The following MIR2052HG variants were observed in gnomAD, a reference collection of about 807,000 sequenced individuals.
The protein encoded by MIR2052HG is MIR2052 host gene.
At chr8:74,681,424 A>C (rs1222231478) in intron 2 of MIR2052HG, among the ~76,000 whole-genome samples, 2 of 152,188 alleles carry the variant, frequency 1.3e-5, no homozygotes, top group Non-Finnish European at 2.9e-5. Flanking sequence ...TCAGAAAGTA[A>C]GGTATTTTTA....
intron 4 of MIR2052HG, among the ~76,000 whole-genome samples, chr8:74,740,244 A>G (rs553513173): frequency 6.6e-6 from 1 of 152,280 alleles, no homozygotes; most frequent in Admixed American, 6.5e-5. Flanking sequence ...CAGGTGGATC[A>G]TCTGAGGTCA....
At chr8:74,617,514 T>A (rs1808302414) in intron 2 of MIR2052HG, among the ~76,000 whole-genome samples, 1 of 151,872 alleles carries the variant, frequency 6.6e-6, no homozygotes, top group Non-Finnish European at 1.5e-5. Context: ...TATGCACACA[T>A]TTTATATAAA....
intron 2 of MIR2052HG, among the ~76,000 whole-genome samples, chr8:74,644,485 C>T (rs949604402): frequency 1.3e-5 from 2 of 152,118 alleles, no homozygotes; most frequent in African/African-American, 2.4e-5. Context: ...GATGTTCGCA[C>T]AATGACAAAA....
chr8:74,731,514 G>T (rs1809692301), intron 4 of MIR2052HG, among the ~76,000 whole-genome samples: 1 of 152,116 alleles, frequency 6.6e-6, no homozygotes, highest in Admixed American at 6.6e-5. Flanking sequence ...TAACAGTGAA[G>T]GGGGTGCAGA....
intron 1 of MIR2052HG, among the ~76,000 whole-genome samples, chr8:74,606,596 A>C (rs1288924365): frequency 1.3e-5 from 2 of 152,204 alleles, no homozygotes; most frequent in Non-Finnish European, 2.9e-5. Context: ...AAAAATTTAT[A>C]CAATAGTTCT....
At chr8:74,726,532 G>T (rs1263030934) in intron 4 of MIR2052HG, among the ~76,000 whole-genome samples, 1 of 152,166 alleles carries the variant, frequency 6.6e-6, no homozygotes, top group Non-Finnish European at 1.5e-5. Flanking sequence ...CCATCTAATA[G>T]TTTTAATTTA....
chr8:74,630,019 A>C (rs1023670109), intron 2 of MIR2052HG, among the ~76,000 whole-genome samples: 1 of 152,218 alleles, frequency 6.6e-6, no homozygotes, highest in African/African-American at 2.4e-5. Context: ...AGGAGAAAAC[A>C]TAATTACAGG....
At chr8:74,672,261 A>G (rs1473651562) in intron 2 of MIR2052HG, among the ~76,000 whole-genome samples, 1 of 152,140 alleles carries the variant, frequency 6.6e-6, no homozygotes, top group African/African-American at 2.4e-5. Flanking sequence ...TTGCAGGCCT[A>G]GCATCCGTTG....
chr8:74,721,180 G>A (rs1217345128), intron 4 of MIR2052HG, among the ~76,000 whole-genome samples: 1 of 152,158 alleles, frequency 6.6e-6, no homozygotes, highest in African/African-American at 2.4e-5. Flanking sequence ...CCTGACACCT[G>A]TGTTCCAGTG....
intron 4 of MIR2052HG, among the ~76,000 whole-genome samples, chr8:74,716,399 G>C (rs944280863): frequency 2.6e-5 from 4 of 152,112 alleles, no homozygotes; most frequent in African/African-American, 9.7e-5. Context: ...GCCTTTTATA[G>C]AATATTATTC....
chr8:74,630,164 AT>A (rs545361934), intron 2 of MIR2052HG, among the ~76,000 whole-genome samples: 3 of 152,172 alleles, frequency 2.0e-5, no homozygotes, highest in East Asian at 1.9e-4. Context: ...TGCTAAACAC[AT>A]TTTTTTTCCT....
In MIR2052HG at chr8:74,683,756, C is replaced by T. The variant is rs149134308; in HGVS notation, n.217-18623C>T. Reference sequence around the variant, plus strand: ...CAGTGATAATCAATTTTATCTTTACCTAGATAATTATAGGACTCCGATTGT... The same window carrying T: ...CAGTGATAATCAATTTTATCTTTACTTAGATAATTATAGGACTCCGATTGT... On this transcript the variant is annotated intron_variant and non_coding_transcript_variant, in intron 2 of 6. Coordinates refer to ENST00000523442, the Ensembl canonical transcript of MIR2052HG. 3.1e-3 allele frequency among the ~76,000 whole-genome samples: 479 copies of T among 152,072 alleles called. 2 individuals carry two copies. The highest frequency in any genetic ancestry group is 5.4e-3 in the Non-Finnish European group (368 of 67,966).
chr8:74,652,046 G>A (rs1352977684), intron 2 of MIR2052HG, among the ~76,000 whole-genome samples: 3 of 152,124 alleles, frequency 2.0e-5, no homozygotes. Flanking sequence ...ACCCATTTGA[G>A]GAACAGGCTG....
rs35641908 is a variant in MIR2052HG, at chr8:74,604,583, C to CTTTTTTTTTTTTTTTT, written n.128+4685_128+4700dup. ...GCTCTGGGCCGGCCTTGTTTCTTTA[C>CTTTTTTTTTTTTTTTT]TTTTTTTTTTTTTTTTTTTTTTTTT... On this transcript the variant is annotated intron_variant and non_coding_transcript_variant, in intron 1 of 6. Transcript: ENST00000523442. Among the ~76,000 whole-genome samples the CTTTTTTTTTTTTTTTT allele has an allele frequency of 8.0e-5, 4 of 50,008 alleles. 1 individual carries two copies. Among genetic ancestry groups the CTTTTTTTTTTTTTTTT allele is most frequent in the Non-Finnish European group, 1.1e-4 (3 of 28,164 alleles). The allele number at this position is 50,008 out of a possible 152,430, so 32.8% of individuals were successfully genotyped here. A position where few individuals can be genotyped will look rare whatever the true frequency, so the allele number is the denominator to read the frequency against.
At chr8:74,702,322 A>G (rs1213028952) in intron 2 of MIR2052HG, 1 of 376,476 alleles carries the variant, frequency 2.7e-6, no homozygotes, top group Admixed American at 2.9e-5. Context: ...TGATATCAAA[A>G]GATACAATGA....
At chr8:74,656,920 A>G (rs575060202) in intron 2 of MIR2052HG, among the ~76,000 whole-genome samples, 45 of 152,342 alleles carry the variant, frequency 3.0e-4, no homozygotes, top group African/African-American at 1.1e-3. Flanking sequence ...AATCCTAGAG[A>G]AAAGTAGTGC....
intron 4 of MIR2052HG, among the ~76,000 whole-genome samples, chr8:74,719,854 T>C (rs1338879378): frequency 3.6e-4 from 47 of 131,814 alleles, no homozygotes; most frequent in Non-Finnish European, 6.4e-4. Flanking sequence ...TTTTTCTTTT[T>C]TTTTTTTTTT....
At chr8:74,690,256 T>G (rs1375145701) in intron 2 of MIR2052HG, among the ~76,000 whole-genome samples, 1 of 152,198 alleles carries the variant, frequency 6.6e-6, no homozygotes, top group Admixed American at 6.5e-5. Context: ...GAGGAAAAAT[T>G]ACTCTCTTTG....
At chr8:74,626,072 G>A (rs536265455) in intron 2 of MIR2052HG, among the ~76,000 whole-genome samples, 2 of 152,118 alleles carry the variant, frequency 1.3e-5, no homozygotes, top group East Asian at 1.9e-4. Flanking sequence ...AAACAGGACC[G>A]TCTCCAGCAG....
Sources: allele counts gnomAD v4.1 joint callset (sites outside exome capture counted in the v4.1 genomes callset), GRCh38; gene constraint gnomAD v4.1.1; transcripts MANE v1.5; gene names NCBI Gene and HGNC (gene_info 2026-07-23, HGNC 2026-07-21).